ARHGAP20: variants seen among roughly 807,000 people sequenced by gnomAD.
ARHGAP20 encodes the protein rho GTPase-activating protein 20.
A neutral mutation model predicts 73.7 loss-of-function variants in ARHGAP20; 34 were observed. That is an observed-to-expected ratio of 0.46 (90% CI 0.35 to 0.61). The LOEUF (loss-of-function observed/expected upper bound fraction) is 0.61. Ranked by LOEUF, ARHGAP20 falls within the 20% of genes least tolerant of loss-of-function variation. The probability of loss-of-function intolerance (pLI) is 0.00; values close to 1 mark genes in which losing one functional copy is unlikely to be tolerated. For missense variants in ARHGAP20, 1,314 were observed against 1,420.9 expected (o/e 0.92, Z 1.21); for synonymous variants, 523 against 518.2 (o/e 1.01, Z -0.13).
At position 110,648,174 on chromosome 11, in the gene ARHGAP20, T is replaced by C. The variant is rs1307361431; in HGVS notation, c.189-17382A>G. 9.5e-3 allele frequency among the ~76,000 whole-genome samples: 510 copies of C among 53,754 alleles called. 4 individuals are homozygous for C. The highest frequency in any genetic ancestry group is 0.022 in the African/African-American group (439 of 19,626). 35.3% of individuals were successfully genotyped at this position (53,754 alleles called of 152,430 possible). On this transcript the variant is annotated intron_variant, in intron 2 of 14. Transcript: ENST00000683387. ...TATATAATATATATATATATGTAAA[T>C]ATATATATATATATGTAAATATATA...
At chr11:110,670,914 G>C (rs548631841) in intron 2 of ARHGAP20, among the ~76,000 whole-genome samples, 1 of 151,938 alleles carries the variant, frequency 6.6e-6, no homozygotes, top group African/African-American at 2.4e-5. Context: ...TCACAGTTTA[G>C]AAAAACTAAG....
chr11:110,590,216 T>C (rs1169133832), intron 11 of ARHGAP20, among the ~76,000 whole-genome samples: 1 of 152,094 alleles, frequency 6.6e-6, no homozygotes, highest in Non-Finnish European at 1.5e-5. Flanking sequence ...GTGAGCCAAA[T>C]GTTTATTATG....
At chr11:110,645,832 C>T (rs556486872) in intron 2 of ARHGAP20, among the ~76,000 whole-genome samples, 3 of 152,204 alleles carry the variant, frequency 2.0e-5, no homozygotes, top group South Asian at 2.1e-4. Context: ...TGGATGCAGC[C>T]GGAGGCCATT....
intron 2 of ARHGAP20, among the ~76,000 whole-genome samples, chr11:110,684,197 GAGA>G (rs1950089064): frequency 1.3e-5 from 2 of 152,148 alleles, no homozygotes; most frequent in Admixed American, 1.3e-4. Context: ...TGACATTTGA[GAGA>G]AGGCTAGAGA....
chr11:110,640,666 C>T lies in ARHGAP20; in HGVS notation c.189-9874G>A, dbSNP rs79466964. Among the ~76,000 whole-genome samples, 351 of 147,048 alleles carry T rather than the reference C, an allele frequency of 2.4e-3. 3 individuals carry two copies. The highest frequency in any genetic ancestry group is 3.0e-3 in the Non-Finnish European group (205 of 67,504). On this transcript the variant is annotated intron_variant, in intron 2 of 14. Transcript: ENST00000683387. ...ACATTCTATCACCTTGATAAAATCA[C>T]ATTGAAATTACCAAAGAAAATAACA...
intron 2 of ARHGAP20, among the ~76,000 whole-genome samples, chr11:110,686,388 C>T (rs1950132224): frequency 6.6e-6 from 1 of 152,026 alleles, no homozygotes; most frequent in African/African-American, 2.4e-5. Flanking sequence ...TGAATCACTT[C>T]TGAACAGGCA....
chr11:110,690,809 A>G (rs914758298), intron 1 of ARHGAP20, among the ~76,000 whole-genome samples, 180 bp from the exon 2 acceptor site: 3 of 152,178 alleles, frequency 2.0e-5, no homozygotes, highest in African/African-American at 4.8e-5. Context: ...AAAAAAAAAC[A>G]GGACAGTAAG....
At chr11:110,696,665 A>T (rs554282075) in intron 1 of ARHGAP20, among the ~76,000 whole-genome samples, 4 of 151,604 alleles carry the variant, frequency 2.6e-5, no homozygotes, top group Non-Finnish European at 5.9e-5. Flanking sequence ...TAGCATATTC[A>T]TTACCCAAAT....
At chr11:110,616,758 C>CAGGAAA in intron 4 of ARHGAP20, among the ~76,000 whole-genome samples, 1 of 145,062 alleles carries the variant, frequency 6.9e-6, no homozygotes, top group African/African-American at 2.5e-5. Flanking sequence ...TTGATGTATT[C>CAGGAAA]TCTTTTCTAA....
At chr11:110,614,408 A>G (rs1351757605) in intron 6 of ARHGAP20, among the ~76,000 whole-genome samples, 153 bp downstream of exon 6, 2 of 152,176 alleles carry the variant, frequency 1.3e-5, no homozygotes, top group Non-Finnish European at 2.9e-5. Flanking sequence ...AACCAGGAAA[A>G]TGCATTTTCC....
At chr11:110,622,068 T>G (rs1948640915) in intron 4 of ARHGAP20, among the ~76,000 whole-genome samples, 1 of 152,228 alleles carries the variant, frequency 6.6e-6, no homozygotes, top group Non-Finnish European at 1.5e-5. Flanking sequence ...GAGCTTCTCT[T>G]CTCTGCTACT....
intron 9 of ARHGAP20, among the ~76,000 whole-genome samples, chr11:110,605,111 GAAGTTTTCTGCTA>G (rs1948193584): frequency 6.6e-6 from 1 of 152,164 alleles, no homozygotes; most frequent in African/African-American, 2.4e-5. Flanking sequence ...CAAAGAAACA[GAAGTTTTCTGCTA>G]GACAGGGATG....
At chr11:110,601,296 A>G (rs1038074990) in intron 9 of ARHGAP20, among the ~76,000 whole-genome samples, 2 of 152,208 alleles carry the variant, frequency 1.3e-5, no homozygotes, top group Non-Finnish European at 2.9e-5. Context: ...ACTATGTGCC[A>G]AAAAAGAAGT....
chr11:110,635,855 G>A (rs1948956382), intron 2 of ARHGAP20, among the ~76,000 whole-genome samples: 1 of 152,030 alleles, frequency 6.6e-6, no homozygotes, highest in Non-Finnish European at 1.5e-5. Flanking sequence ...GAATCTTTTA[G>A]TATGTAGTGA....
chr11:110,711,242 A>G (rs946637547), intron 1 of ARHGAP20, among the ~76,000 whole-genome samples: 3 of 152,090 alleles, frequency 2.0e-5, no homozygotes, highest in Non-Finnish European at 4.4e-5. Context: ...ATGGAACGCT[A>G]CAAGTTGTCA....
At chr11:110,637,965 G>A (rs1334858449) in intron 2 of ARHGAP20, among the ~76,000 whole-genome samples, 1 of 152,100 alleles carries the variant, frequency 6.6e-6, no homozygotes. Flanking sequence ...ATTAGCAGCA[G>A]ATGAGAAAGG....
intron 5 of ARHGAP20, among the ~76,000 whole-genome samples, chr11:110,614,885 T>C (rs1248522660): frequency 6.6e-6 from 1 of 152,174 alleles, no homozygotes; most frequent in Non-Finnish European, 1.5e-5. Flanking sequence ...CAAGTGAGGT[T>C]TGAGAAGCAC....
In ARHGAP20 at chr11:110,611,449, A is replaced by G. The variant is rs566749864; in HGVS notation, c.631-63T>C. The stretch of plus-strand genomic sequence containing the variant: ...TGAATTTTAAAACAGGTTAACAAAT[A>G]ATCATTGTCAAATGATTATCGAAAG... On this transcript the variant is annotated intron_variant, in intron 6 of 14. Transcript: ENST00000683387. 12 of 836,066 alleles carry G rather than the reference A, an allele frequency of 1.4e-5. No homozygotes were observed. In the Admixed American group the frequency reaches 1.8e-4, roughly 13 times the overall value. The allele number at this position is 836,066 out of a possible 1,614,324, so 51.8% of individuals were successfully genotyped here.
chr11:110,631,940 G>C (rs181758115), intron 2 of ARHGAP20, among the ~76,000 whole-genome samples: 130 of 152,236 alleles, frequency 8.5e-4, no homozygotes, highest in African/African-American at 2.5e-3. Context: ...TATACAAATT[G>C]AACCACAGTA....
Sources: allele counts gnomAD v4.1 joint callset (sites outside exome capture counted in the v4.1 genomes callset), GRCh38; gene constraint gnomAD v4.1.1; transcripts MANE v1.5; gene names NCBI Gene and HGNC (gene_info 2026-07-23, HGNC 2026-07-21).